DEPDC5: variants seen among roughly 807,000 people sequenced by gnomAD.
DEPDC5 encodes DEP domain containing 5, GATOR1 subcomplex subunit.
In DEPDC5, 73 loss-of-function variants were observed where a neutral mutation model predicts 217.3. That is an observed-to-expected ratio of 0.34 (90% CI 0.28 to 0.41). The LOEUF (loss-of-function observed/expected upper bound fraction) is 0.41, where lower values mean the gene tolerates loss of function less well. DEPDC5 is among the 10% of genes least tolerant of loss of function. The pLI, the probability that DEPDC5 is intolerant of heterozygous loss-of-function variation, is 1.00. For missense variants in DEPDC5, 1,675 were observed against 2,070.1 expected, an observed-to-expected ratio of 0.81 and a Z score of 3.70; for synonymous variants, 733 against 756.7, an observed-to-expected ratio of 0.97 and a Z score of 0.51.
chr22:31,796,251 C>G (rs2085616437), intron 12 of DEPDC5, among the ~76,000 whole-genome samples: 1 of 152,036 alleles, frequency 6.6e-6, no homozygotes, highest in Admixed American at 6.6e-5. Flanking sequence ...CAGGTGCCTG[C>G]CACCACACCC....
At chr22:31,821,476 T>G in intron 22 of DEPDC5, 26 bp from the exon 23 acceptor site, 1 of 1,612,528 alleles carries the variant, frequency 6.2e-7, no homozygotes, top group Non-Finnish European at 8.5e-7. Flanking sequence ...GTGGGAATGA[T>G]GCTCAGTGGT....
At chr22:31,880,482 A>C (rs1027719144) in intron 38 of DEPDC5, among the ~76,000 whole-genome samples, 19 of 152,258 alleles carry the variant, frequency 1.2e-4, no homozygotes, top group Non-Finnish European at 1.8e-4. Flanking sequence ...GAAAGGAAGA[A>C]AGCAAATAGA....
intron 38 of DEPDC5, among the ~76,000 whole-genome samples, chr22:31,883,247 G>A (rs1179107912): frequency 6.6e-6 from 1 of 152,168 alleles, no homozygotes; most frequent in Non-Finnish European, 1.5e-5. Flanking sequence ...CCAATCAGGA[G>A]CCAAGATTAG....
chr22:31,804,710 G>A, intron 16 of DEPDC5, 132 bp from the exon 17 acceptor site: 1 of 835,234 alleles, frequency 1.2e-6, no homozygotes, highest in Non-Finnish European at 1.9e-6. Context: ...AAATTGCTGG[G>A]ATTACAGGCA....
intron 20 of DEPDC5, among the ~76,000 whole-genome samples, chr22:31,811,002 C>T (rs1193074716): frequency 2.0e-5 from 3 of 151,052 alleles, no homozygotes; most frequent in Non-Finnish European, 3.0e-5. Flanking sequence ...CTCGAACTCC[C>T]GACCTCAGGT....
intron 18 of DEPDC5, 77 bp downstream of exon 18, chr22:31,806,268 C>T: frequency 7.8e-7 from 1 of 1,284,280 alleles, no homozygotes; most frequent in East Asian, 2.4e-5. Context: ...CTCAATCAGT[C>T]CTCCTGTTTC....
intron 15 of DEPDC5, 140 bp downstream of exon 15, chr22:31,802,978 AG>A: frequency 2.6e-6 from 3 of 1,150,742 alleles, no homozygotes; most frequent in Non-Finnish European, 3.4e-6. Flanking sequence ...GGATGTCAAT[AG>A]GTGTCAGGTG....
Position 31,861,403 on chromosome 22 carries a change from A to G in DEPDC5, c.3300A>G (p.Pro1100=). The G allele has an allele frequency of 6.4e-7, 1 of 1,551,516 alleles. No homozygotes were observed. The highest frequency in any genetic ancestry group is 8.7e-7 in the Non-Finnish European group (1 of 1,146,964). Residue 1100 remains proline (P), a synonymous_variant, in exon 33 of 43, where the codon CCA becomes CCG. Transcript: ENST00000651528. The part of the protein sequence containing the change: ...GAFFMEFVRS[P]RTASSAFYPQ... ...TCTTTATGGAGTTTGTCCGCAGCCC[A>G]CGCACAGCATCGTCCGCCTTCTACC...
At chr22:31,817,837 A>T (rs1391072392) in intron 21 of DEPDC5, among the ~76,000 whole-genome samples, 1 of 152,082 alleles carries the variant, frequency 6.6e-6, no homozygotes. Context: ...TTTCCTTAAT[A>T]ACTAACTAGA....
chr22:31,864,673 G>T (rs1569145237), intron 33 of DEPDC5, among the ~76,000 whole-genome samples: 1 of 151,458 alleles, frequency 6.6e-6, no homozygotes, highest in Non-Finnish European at 1.5e-5. Context: ...CCAGCACTTT[G>T]GGAGGCCAAA....
chr22:31,831,545 C>T (rs1022565380), intron 24 of DEPDC5, among the ~76,000 whole-genome samples: 9 of 152,020 alleles, frequency 5.9e-5, no homozygotes, highest in African/African-American at 2.2e-4. Context: ...GCAACCTCAG[C>T]CTCCCGGGTT....
intron 32 of DEPDC5, chr22:31,858,930 A>G (rs553380679): frequency 9.2e-5 from 14 of 152,366 alleles, no homozygotes; most frequent in African/African-American, 3.1e-4. Context: ...TCTGAGAAGA[A>G]GTATCAGCCA....
At chr22:31,836,829 G>T in intron 25 of DEPDC5, 143 bp from the exon 26 acceptor site, 1 of 723,960 alleles carries the variant, frequency 1.4e-6, no homozygotes, top group South Asian at 1.8e-5. Flanking sequence ...CCCCTACCCT[G>T]TTTCTTCCCA....
rs201464790 is a variant in DEPDC5 at position 31,822,758 on chromosome 22, T to C, written c.2072T>C (p.Leu691Pro). 663 of 1,614,124 alleles carry C rather than the reference T, an allele frequency of 4.1e-4. 2 individuals are homozygous for C. The African/African-American group carries it at 7.5e-3, about 18-fold the overall frequency. ...TTGAACTTCAGTGGAACAGAGGAGC[T>C]TTCTGTCGGCCTGCTTAGCAACAGT... ...SFLNFSGTEELSVGLLSNSGA... is the reference protein window; with the variant it reads ...SFLNFSGTEEPSVGLLSNSGA... Residue 691 changes from leucine (L) to proline (P), a missense_variant, in exon 24 of 43, where the codon CTT becomes CCT. Leu to Pro is a moderately conservative substitution (Grantham distance 98, BLOSUM62 -3). Coordinates refer to ENST00000651528, the MANE Select transcript of DEPDC5 (RefSeq NM_001242896.3).
intron 27 of DEPDC5, 23 bp from the exon 28 acceptor site, chr22:31,843,072 G>A (rs781702367): frequency 1.1e-5 from 17 of 1,566,830 alleles, no homozygotes; most frequent in Non-Finnish European, 1.5e-5. Context: ...AACAGATGGA[G>A]GAAATTATTA....
At chr22:31,842,304 G>A (rs141448700) in intron 27 of DEPDC5, among the ~76,000 whole-genome samples, 44 of 152,294 alleles carry the variant, frequency 2.9e-4, no homozygotes, top group South Asian at 2.3e-3. Flanking sequence ...GGCTGAGCAC[G>A]GTGGCTCACG....
intron 34 of DEPDC5, among the ~76,000 whole-genome samples, chr22:31,871,445 T>C (rs1390710386): frequency 6.6e-6 from 1 of 152,164 alleles, no homozygotes; most frequent in East Asian, 1.9e-4. Context: ...TTCCCTTATG[T>C]CATAAATTCT....
rs753608617 is a variant in DEPDC5, at chr22:31,857,505, G to C, written c.3216G>C (p.Glu1072Asp). The stretch of plus-strand genomic sequence containing the variant: ...GGAAGAGCTCCGCCCAGTCAGCCGA[G>C]AGCAGCAGCGTTGCCATGACTCCCA... ...HGGKSSAQSA[E>D]SSSVAMTPTY... Residue 1072 changes from glutamate (E) to aspartate (D), a missense_variant, in exon 32 of 43, where the codon GAG (glutamate) becomes GAC (aspartate). Physicochemically the swap from Glu to Asp is conservative, Grantham distance 45. This residue lies in a region of DEPDC5 where 126 missense variants were observed against 113.8 expected (regional missense o/e 1.11). Transcript: ENST00000651528. 7 of 1,612,722 alleles carry C rather than the reference G, an allele frequency of 4.3e-6. No individual in the cohort carries two copies. Among genetic ancestry groups the C allele is most frequent in the East Asian group, 2.2e-5 (1 of 44,850 alleles).
chr22:31,768,766 C>T (rs368531839), intron 6 of DEPDC5, 48 bp from the exon 7 acceptor site: 1 of 1,482,280 alleles, frequency 6.7e-7, no homozygotes, highest in Non-Finnish European at 9.3e-7. Flanking sequence ...CTTTCTCACC[C>T]TCTCTCCCTC....
Sources: gnomAD v4.1 joint callset for allele counts (sites outside exome capture counted in the v4.1 genomes callset) on GRCh38, gnomAD v4.1.1 for gene constraint, gnomAD v4.1.1 regional missense constraint, MANE v1.5 for transcripts, NCBI Gene and HGNC (gene_info 2026-07-23, HGNC 2026-07-21) for gene names.